The following ZDHHC3 variants were observed in gnomAD, a reference collection of about 807,000 sequenced individuals.
ZDHHC3 encodes the protein palmitoyltransferase ZDHHC3.
In ZDHHC3, 9 loss-of-function variants were observed where a neutral mutation model predicts 30.6. The observed-to-expected ratio is 0.29, with a 90% CI of 0.18 to 0.51. The LOEUF is 0.51. Among genes scored for constraint, ZDHHC3 ranks in the 20% least tolerant of loss-of-function variants. The pLI, the probability that ZDHHC3 is intolerant of heterozygous loss-of-function variation, is 0.97. For missense variants in ZDHHC3, 246 were observed against 384.2 expected (o/e 0.64, Z 3.01); for synonymous variants, 136 against 140.2 (o/e 0.97, Z 0.21).
intron 1 of ZDHHC3, among the ~76,000 whole-genome samples, chr3:44,965,503 G>A (rs1704866649): frequency 2.0e-5 from 3 of 152,172 alleles, no homozygotes; most frequent in Admixed American, 2.0e-4. Context: ...ACTTCATCGG[G>A]TTGGCCAGGA....
intron 5 of ZDHHC3, among the ~76,000 whole-genome samples, chr3:44,932,722 G>C (rs11720407): frequency 5.3e-5 from 8 of 152,168 alleles, no homozygotes; most frequent in Non-Finnish European, 1.2e-4. Context: ...AGTAAAAAAT[G>C]AATCTCTGCA....
chr3:44,965,246 T>A (rs1704836768), intron 1 of ZDHHC3, among the ~76,000 whole-genome samples: 1 of 152,092 alleles, frequency 6.6e-6, no homozygotes, highest in African/African-American at 2.4e-5. Flanking sequence ...GATCCATACA[T>A]AACACACGTG....
Position 44,926,247 on chromosome 3 carries a change from A to C in ZDHHC3, c.*442T>G, listed in dbSNP as rs1428556582. The stretch of plus-strand genomic sequence containing the variant: ...GGTGAGGTTTTATGTCCCATCGGGG[A>C]GCCCGCCACTGCCTCCTGGGCAGTG... On this transcript the variant is annotated 3_prime_UTR_variant, in exon 7 of 7. Transcript: ENST00000424952. 7.1e-5 allele frequency: 70 copies of C among 986,728 alleles called. No homozygotes were observed. The highest frequency in any genetic ancestry group is 8.4e-5 in the Non-Finnish European group (70 of 830,972). The allele number at this position is 986,728 out of a possible 1,614,324, so 61.1% of individuals were successfully genotyped here.
At chr3:44,957,977 C>T (rs1485072590) in intron 2 of ZDHHC3, among the ~76,000 whole-genome samples, 8 of 152,146 alleles carry the variant, frequency 5.3e-5, no homozygotes, top group African/African-American at 1.9e-4. Context: ...TTCAGCATGA[C>T]CATATAGATG....
intron 6 of ZDHHC3, 127 bp from the exon 7 acceptor site, chr3:44,926,974 AAT>A: frequency 1.6e-6 from 2 of 1,256,956 alleles, no homozygotes; most frequent in Non-Finnish European, 2.1e-6. Flanking sequence ...CTATCTACCT[AAT>A]ATATCTTTCT....
chr3:44,928,198 T>C (rs1221447158), intron 6 of ZDHHC3, among the ~76,000 whole-genome samples: 2 of 152,238 alleles, frequency 1.3e-5, no homozygotes, highest in Non-Finnish European at 2.9e-5. Context: ...AGAAACTCTT[T>C]TGCAATGACA....
At position 44,918,162 on chromosome 3, in the gene ZDHHC3, G is replaced by A; in HGVS notation, c.*8527C>T. The A allele has an allele frequency of 7.7e-7, 1 of 1,300,238 alleles. No individual in the cohort carries two copies. Among genetic ancestry groups the A allele is most frequent in the Non-Finnish European group, 1.0e-6 (1 of 985,604 alleles). 80.5% of individuals were successfully genotyped at this position (1,300,238 alleles called of 1,614,324 possible). On this transcript the variant is annotated 3_prime_UTR_variant, in exon 7 of 7. Coordinates refer to ENST00000424952, the MANE Select transcript of ZDHHC3 (RefSeq NM_001135179.2). ...CGATGCCCTGCAGGGAGAAGGGGAT[G>A]AAGAACATCGTCAGCGTGGTGCTGG...
intron 5 of ZDHHC3, among the ~76,000 whole-genome samples, chr3:44,930,622 A>AG (rs1701408442): frequency 6.6e-6 from 1 of 152,224 alleles, no homozygotes. Flanking sequence ...GAATGTCAGG[A>AG]GGGGCAAGGG....
intron 1 of ZDHHC3, among the ~76,000 whole-genome samples, chr3:44,969,291 T>C (rs1402902019): frequency 1.3e-5 from 2 of 152,130 alleles, no homozygotes; most frequent in Non-Finnish European, 2.9e-5. Context: ...TGACCCTCAC[T>C]TAAGGTGTCA....
chr3:44,943,070 AC>A (rs1383794020), intron 3 of ZDHHC3, among the ~76,000 whole-genome samples: 1 of 151,874 alleles, frequency 6.6e-6, no homozygotes, highest in Non-Finnish European at 1.5e-5. Context: ...ACAGACAGAA[AC>A]CCCGGAGGAG....
At chr3:44,962,395 C>A (rs979070860) in intron 1 of ZDHHC3, among the ~76,000 whole-genome samples, 1 of 151,956 alleles carries the variant, frequency 6.6e-6, no homozygotes, top group Non-Finnish European at 1.5e-5. Flanking sequence ...AGCCCTTCCA[C>A]GTAAGTAACT....
At chr3:44,952,084 ATT>A (rs1703506616) in intron 2 of ZDHHC3, among the ~76,000 whole-genome samples, 2 of 152,074 alleles carry the variant, frequency 1.3e-5, no homozygotes, top group Admixed American at 1.3e-4. Flanking sequence ...AGATCTCTCT[ATT>A]TGGCTGTCCC....
chr3:44,938,288 G>A (rs776262235), intron 3 of ZDHHC3: 9 of 173,480 alleles, frequency 5.2e-5, no homozygotes, highest in Admixed American at 1.2e-4. Flanking sequence ...GTGCCCAGCC[G>A]GAAATACCAC....
chr3:44,939,306 T>C (rs1231469258), intron 3 of ZDHHC3, among the ~76,000 whole-genome samples: 1 of 152,258 alleles, frequency 6.6e-6, no homozygotes, highest in Admixed American at 6.5e-5. Flanking sequence ...CATATAAGTA[T>C]ACATGCAGAA....
Position 44,943,793 on chromosome 3 carries a change from C to T in ZDHHC3, c.431+1375G>A, listed in dbSNP as rs1304124452. Among the ~76,000 whole-genome samples, 3 of 152,110 alleles carry T rather than the reference C, an allele frequency of 2.0e-5. No homozygotes were observed. The East Asian group carries it at 5.8e-4, about 30-fold the overall frequency. On this transcript the variant is annotated intron_variant, in intron 3 of 6. Transcript: ENST00000424952. ...GGCTGAGGTGGGAGGATCACTTGAGCCCAGGAGTTCGAGACCAGCCTGGGC... is the reference window on the plus strand; with the variant it reads ...GGCTGAGGTGGGAGGATCACTTGAGTCCAGGAGTTCGAGACCAGCCTGGGC...
intron 3 of ZDHHC3, among the ~76,000 whole-genome samples, chr3:44,934,893 C>CAAAAAAAAAAAAAA (rs886501187): frequency 1.7e-5 from 1 of 60,070 alleles, no homozygotes; most frequent in Non-Finnish European, 3.3e-5. Flanking sequence ...ACTCTGTCTC[C>CAAAAAAAAAAAAAA]AAAAAAAAAA....
intron 1 of ZDHHC3, among the ~76,000 whole-genome samples, chr3:44,960,819 C>T (rs1704409274): frequency 6.6e-6 from 1 of 152,234 alleles, no homozygotes; most frequent in Non-Finnish European, 1.5e-5. Flanking sequence ...AGGGCAAAGG[C>T]AGGCTTTCGG....
intron 2 of ZDHHC3, among the ~76,000 whole-genome samples, chr3:44,948,257 G>C (rs1703127527): frequency 6.6e-6 from 1 of 152,210 alleles, no homozygotes; most frequent in African/African-American, 2.4e-5. Flanking sequence ...AACAGGCCAA[G>C]TGAGGGGTTC....
At chr3:44,947,799 T>G (rs1234337994) in intron 2 of ZDHHC3, among the ~76,000 whole-genome samples, 1 of 152,216 alleles carries the variant, frequency 6.6e-6, no homozygotes, top group Non-Finnish European at 1.5e-5. Flanking sequence ...TGGGTCTACC[T>G]TGATCAGCAC....
Sources: allele counts gnomAD v4.1 joint callset (sites outside exome capture counted in the v4.1 genomes callset), GRCh38; gene constraint gnomAD v4.1.1; transcripts MANE v1.5; gene names NCBI Gene and HGNC (gene_info 2026-07-23, HGNC 2026-07-21).